Variants in INPP5A observed in about 807,000 individuals in gnomAD.
INPP5A encodes the protein inositol polyphosphate-5-phosphatase A, also known as 43 kDa inositol polyphosphate 5-phophatase.
Under a neutral mutation model 65.2 loss-of-function variants are expected in INPP5A, and 14 were observed. The ratio of observed to expected loss-of-function variants is 0.21; its 90% CI spans 0.14 to 0.34. The LOEUF is 0.34. Ranked by LOEUF, INPP5A falls within the 10% of genes least tolerant of loss-of-function variation. The probability of loss-of-function intolerance (pLI) is 1.00; values close to 1 mark genes in which losing one functional copy is unlikely to be tolerated. For missense variants in INPP5A, 431 were observed against 545.6 expected, an observed-to-expected ratio of 0.79 and a Z score of 2.09; for synonymous variants, 207 against 208.3, an observed-to-expected ratio of 0.99 and a Z score of 0.05.
At chr10:132,594,245 C>T (rs781390793) in intron 1 of INPP5A, among the ~76,000 whole-genome samples, 3 of 152,122 alleles carry the variant, frequency 2.0e-5, no homozygotes, top group African/African-American at 4.8e-5. Context: ...AGCCTCTAAC[C>T]GCGTGTGATT....
intron 8 of INPP5A, among the ~76,000 whole-genome samples, chr10:132,718,640 T>C (rs562479277): frequency 7.5e-5 from 11 of 146,382 alleles, no homozygotes; most frequent in Middle Eastern, 3.6e-3. Context: ...CTGGTTTCTG[T>C]CTGGGCGCCT....
intron 4 of INPP5A, among the ~76,000 whole-genome samples, chr10:132,660,034 G>A (rs1034186991): frequency 1.1e-4 from 17 of 152,030 alleles, no homozygotes; most frequent in African/African-American, 1.4e-4. Flanking sequence ...GCACGTTCCC[G>A]CGCTCCGCCG....
chr10:132,610,271 C>T (rs1180707806), intron 2 of INPP5A, among the ~76,000 whole-genome samples: 1 of 152,318 alleles, frequency 6.6e-6, no homozygotes, highest in Admixed American at 6.5e-5. Flanking sequence ...TCCCCACGCT[C>T]CAGCCCCTGG....
At chr10:132,606,439 T>A (rs2133338658) in intron 1 of INPP5A, among the ~76,000 whole-genome samples, 1 of 152,044 alleles carries the variant, frequency 6.6e-6, no homozygotes, top group Admixed American at 6.5e-5. Context: ...GGCATGGGGG[T>A]GCTCAGAGCC....
chr10:132,718,739 T>C (rs1462335717), intron 8 of INPP5A, among the ~76,000 whole-genome samples: 1 of 150,228 alleles, frequency 6.7e-6, no homozygotes, highest in East Asian at 1.9e-4. Flanking sequence ...ACCTGGGTTC[T>C]GTCTGGGCAC....
intron 1 of INPP5A, among the ~76,000 whole-genome samples, chr10:132,599,857 C>T (rs2071754134): frequency 6.6e-6 from 1 of 152,232 alleles, no homozygotes; most frequent in African/African-American, 2.4e-5. Context: ...GGGCTTCCAC[C>T]CTCTGAAGCC....
At chr10:132,593,926 C>G (rs1171095933) in intron 1 of INPP5A, among the ~76,000 whole-genome samples, 2 of 152,152 alleles carry the variant, frequency 1.3e-5, no homozygotes, top group East Asian at 3.9e-4. Flanking sequence ...AATCATTAGA[C>G]TTTTTTAGAT....
chr10:132,632,744 A>G (rs1564941952), intron 2 of INPP5A, among the ~76,000 whole-genome samples: 1 of 152,248 alleles, frequency 6.6e-6, no homozygotes, highest in Non-Finnish European at 1.5e-5. Flanking sequence ...ACCAAAGGCA[A>G]TAAATGCCCC....
chr10:132,743,281 C>T (rs1487256555), intron 9 of INPP5A, among the ~76,000 whole-genome samples: 2 of 128,750 alleles, frequency 1.6e-5, no homozygotes, highest in Non-Finnish European at 3.4e-5. Context: ...CAGCAGGGAC[C>T]GGGCCCGGGA....
rs756374091 is a variant in INPP5A at position 132,710,418 on chromosome 10, G to C, written c.609G>C (p.Ser203=). The change falls in exon 8 of 16, where the codon TCG becomes TCC. Residue 203 remains serine (S), a synonymous_variant. Transcript: ENST00000368594. ...VAWETSPSVY[S]GIRHKALGYV... ...GGGAAACAAGCCCTTCCGTGTACTC[G>C]GGAATCCGGCACAAGGCACTGGGCT... The C allele has an allele frequency of 1.2e-6, 2 of 1,614,034 alleles. No homozygotes were observed. The highest frequency in any genetic ancestry group is 1.7e-6 in the Non-Finnish European group (2 of 1,180,028).
At chr10:132,597,780 G>A (rs942269326) in intron 1 of INPP5A, among the ~76,000 whole-genome samples, 1 of 150,126 alleles carries the variant, frequency 6.7e-6, no homozygotes, top group African/African-American at 2.5e-5. Flanking sequence ...CTGGGCCTGT[G>A]GTGCGTGTTC....
chr10:132,741,656 C>T lies in INPP5A; in HGVS notation c.733-7861C>T, dbSNP rs761250266. On this transcript the variant is annotated intron_variant, in intron 9 of 15. Coordinates refer to ENST00000368594, the MANE Select transcript of INPP5A (RefSeq NM_005539.5). The surrounding 1 kb of genome is among the most constrained non-coding windows in gnomAD (Gnocchi z 4.4). ...CAGGATACCCCGGAATGAAGGTGGA[C>T]GTTGGTATCCGCGTCCGCTTGCTTT... is the stretch of plus-strand genomic sequence containing the variant. 6.6e-5 allele frequency among the ~76,000 whole-genome samples: 10 copies of T among 152,174 alleles called. No individual in the cohort carries two copies. The highest frequency in any genetic ancestry group is 9.7e-5 in the African/African-American group (4 of 41,428).
At chr10:132,779,453 G>A (rs1404901083) in intron 13 of INPP5A, among the ~76,000 whole-genome samples, 1 of 152,254 alleles carries the variant, frequency 6.6e-6, no homozygotes, top group Non-Finnish European at 1.5e-5. Flanking sequence ...GCGCCCAAGG[G>A]CAGAAGGCTG....
chr10:132,738,874 G>A (rs1484687256), intron 9 of INPP5A, among the ~76,000 whole-genome samples: 1 of 152,220 alleles, frequency 6.6e-6, no homozygotes, highest in Non-Finnish European at 1.5e-5. Context: ...GGGATGCAGG[G>A]CCTTGTGCCT....
At chr10:132,718,369 TG>T (rs745895088) in intron 8 of INPP5A, among the ~76,000 whole-genome samples, 1 of 151,144 alleles carries the variant, frequency 6.6e-6, no homozygotes, top group Non-Finnish European at 1.5e-5. Context: ...CAGGGTTCTG[TG>T]GTGCCTGGGT....
rs753771916 is a variant in INPP5A, at chr10:132,675,441, G to A, written c.307-14951G>A. ...AGAGGAGAAAGGAATGAGACTCAAG[G>A]CAGTTGGGGGAAGCGGGCAAATGGC... On this transcript the variant is annotated intron_variant, in intron 4 of 15. Coordinates refer to ENST00000368594, the MANE Select transcript of INPP5A (RefSeq NM_005539.5). This position sits in a 1 kb window ranked among gnomAD's most constrained non-coding sequence, Gnocchi z 4.2. Among the ~76,000 whole-genome samples the A allele has an allele frequency of 3.3e-5, 5 of 152,242 alleles. No homozygotes were observed. Among genetic ancestry groups the A allele is most frequent in the Non-Finnish European group, 5.9e-5 (4 of 68,048 alleles).
intron 5 of INPP5A, among the ~76,000 whole-genome samples, chr10:132,691,814 G>T (rs1167768236): frequency 6.8e-6 from 1 of 147,484 alleles, no homozygotes; most frequent in African/African-American, 2.4e-5. Context: ...GGAGACGTGC[G>T]GTCGCGGGAG....
At chr10:132,618,320 C>T (rs2072067998) in intron 2 of INPP5A, among the ~76,000 whole-genome samples, 1 of 152,184 alleles carries the variant, frequency 6.6e-6, no homozygotes, top group Admixed American at 6.5e-5. Context: ...CTGGCACTGT[C>T]CACAGGGTCA....
At chr10:132,542,840 G>C (rs571256168) in intron 1 of INPP5A, among the ~76,000 whole-genome samples, 36 of 152,176 alleles carry the variant, frequency 2.4e-4, no homozygotes, top group Non-Finnish European at 5.0e-4. Context: ...GTCTCATTCT[G>C]TCACCCAGGC....
Sources: gnomAD v4.1 joint callset for allele counts (sites outside exome capture counted in the v4.1 genomes callset) on GRCh38, gnomAD v4.1.1 for gene constraint, Gnocchi (gnomAD v3.1) non-coding constraint, MANE v1.5 for transcripts, NCBI Gene and HGNC (gene_info 2026-07-23, HGNC 2026-07-21) for gene names.